DGKG: variants seen among roughly 807,000 people sequenced by gnomAD.
DGKG encodes diacylglycerol kinase gamma, also known as DAG kinase gamma.
DGKG carries 78 observed loss-of-function variants against 105.3 expected under a neutral mutation model. That is an observed-to-expected ratio of 0.74 (90% CI 0.62 to 0.89). The LOEUF (loss-of-function observed/expected upper bound fraction) is 0.89, where lower values mean the gene tolerates loss of function less well. Among genes scored for constraint, DGKG ranks in the 40% least tolerant of loss-of-function variants. The pLI is 0.00. For synonymous variants in DGKG, 346 were observed against 367.1 expected, an observed-to-expected ratio of 0.94 and a Z score of 0.66; for missense variants, 958 against 1,020.1, an observed-to-expected ratio of 0.94 and a Z score of 0.83.
At position 186,210,118 on chromosome 3, in the gene DGKG, G is replaced by A. The variant is rs905528827; in HGVS notation, c.1917+1677C>T. 3.3e-5 allele frequency among the ~76,000 whole-genome samples: 5 copies of A among 152,158 alleles called. No homozygotes were observed. Among genetic ancestry groups the A allele is most frequent in the Admixed American group, 6.5e-5 (1 of 15,280 alleles). On this transcript the variant is annotated intron_variant, in intron 21 of 24. Coordinates refer to ENST00000265022, the MANE Select transcript of DGKG (RefSeq NM_001346.3). The surrounding 1 kb of genome is among the most constrained non-coding windows in gnomAD (Gnocchi z 5.2). Reference sequence around the variant, plus strand: ...AGAGGGGACTGTGGGGCCTGGAGCCGGGAGGGCAGGCCAGAGGCAGGGGAG... The same window carrying A: ...AGAGGGGACTGTGGGGCCTGGAGCCAGGAGGGCAGGCCAGAGGCAGGGGAG...
At chr3:186,161,697 C>G in intron 23 of DGKG, 34 bp from the exon 24 acceptor site, 1 of 1,613,904 alleles carries the variant, frequency 6.2e-7, no homozygotes, top group Non-Finnish European at 8.5e-7. Flanking sequence ...ACACAGTGAG[C>G]TTTTTCAAGT....
At chr3:186,150,669 G>C (rs1715715766) in intron 24 of DGKG, among the ~76,000 whole-genome samples, 1 of 152,232 alleles carries the variant, frequency 6.6e-6, no homozygotes, top group African/African-American at 2.4e-5. Flanking sequence ...GCTTTGGTCT[G>C]ACCTCTGACC....
intron 4 of DGKG, among the ~76,000 whole-genome samples, chr3:186,297,792 C>T (rs1483627487): frequency 6.6e-6 from 1 of 152,208 alleles, no homozygotes; most frequent in Non-Finnish European, 1.5e-5. Context: ...TCTCTTCCCC[C>T]ACCATACATT....
At chr3:186,267,817 C>A in intron 12 of DGKG, 40 bp from the exon 13 acceptor site, 1 of 1,580,104 alleles carries the variant, frequency 6.3e-7, no homozygotes, top group Non-Finnish European at 8.7e-7. Flanking sequence ...TGAAAGTGAG[C>A]AAAGAAACAT....
In DGKG at chr3:186,147,436, G is replaced by C. The variant is rs144504985; in HGVS notation, c.*2654C>G. 88 of 984,702 alleles carry C rather than the reference G, an allele frequency of 8.9e-5. 1 individual carries two copies. The African/African-American group carries it at 1.2e-3, about 14-fold the overall frequency. The allele number at this position is 984,702 out of a possible 1,614,324, so 61.0% of individuals were successfully genotyped here. ...CAGAGGTTGCTATGAGGGTCACTAT[G>C]ATGAGGGACTCCACCACAAGAAACC... On this transcript the variant is annotated 3_prime_UTR_variant, in exon 25 of 25. Coordinates refer to ENST00000265022, the MANE Select transcript of DGKG (RefSeq NM_001346.3).
At chr3:186,280,925 C>G (rs764085009) in intron 7 of DGKG, among the ~76,000 whole-genome samples, 181 bp from the exon 8 acceptor site, 1 of 152,158 alleles carries the variant, frequency 6.6e-6, no homozygotes, top group Admixed American at 6.5e-5. Context: ...ACAAAGCTCA[C>G]GAGAAGCACA....
intron 19 of DGKG, among the ~76,000 whole-genome samples, chr3:186,248,091 G>A (rs954208968): frequency 6.6e-6 from 1 of 151,968 alleles, no homozygotes; most frequent in Non-Finnish European, 1.5e-5. Flanking sequence ...TGGCTCTTGG[G>A]TTTAGGGCCT....
intron 24 of DGKG, among the ~76,000 whole-genome samples, chr3:186,155,328 G>T (rs912060452): frequency 2.0e-4 from 31 of 152,080 alleles, no homozygotes; most frequent in Non-Finnish European, 4.0e-4. Flanking sequence ...GAATAGCTGG[G>T]ATTACAGGCA....
In DGKG at chr3:186,284,075, T is replaced by C. The variant is rs1722948804; in HGVS notation, c.594+585A>G. 1.3e-5 allele frequency among the ~76,000 whole-genome samples: 2 copies of C among 151,902 alleles called. No homozygotes were observed. Among genetic ancestry groups the C allele is most frequent in the African/African-American group, 2.4e-5 (1 of 41,420 alleles). Reference sequence around the variant, plus strand: ...CTGTTCCTGAAGGGGTGAGGGTGAGTCTCAGGCTTTCTCAGGTGCAATGGG... The same window carrying C: ...CTGTTCCTGAAGGGGTGAGGGTGAGCCTCAGGCTTTCTCAGGTGCAATGGG... On this transcript the variant is annotated intron_variant, in intron 7 of 24. Transcript: ENST00000265022. The surrounding 1 kb of genome is among the most constrained non-coding windows in gnomAD (Gnocchi z 4.0).
In DGKG at chr3:186,260,258, G is replaced by A. The variant is rs1414952227; in HGVS notation, c.1424+181C>T. On this transcript the variant is annotated intron_variant, in intron 16 of 24. Transcript: ENST00000265022. ...CTTCTCAAACAGAGTTAGCCTTCCTGGGCATCCTGAGTATCTCCAGGAGTC... is the reference window on the plus strand; with the variant it reads ...CTTCTCAAACAGAGTTAGCCTTCCTAGGCATCCTGAGTATCTCCAGGAGTC... Among the ~76,000 whole-genome samples the A allele has an allele frequency of 2.0e-5, 3 of 152,222 alleles. No individual in the cohort carries two copies. In the East Asian group the frequency reaches 5.8e-4, roughly 29 times the overall value.
intron 1 of DGKG, among the ~76,000 whole-genome samples, chr3:186,338,188 A>G (rs777995986): frequency 2.0e-5 from 3 of 150,998 alleles, no homozygotes; most frequent in Admixed American, 1.3e-4. Context: ...AAAAAAAAAA[A>G]GAAAGAAGGA....
chr3:186,251,410 GT>G (rs1462982778), intron 19 of DGKG, among the ~76,000 whole-genome samples: 5 of 152,200 alleles, frequency 3.3e-5, no homozygotes, highest in African/African-American at 1.2e-4. Flanking sequence ...TCATGTGAGA[GT>G]TTCCTACCAA....
chr3:186,275,648 C>T lies in DGKG; in HGVS notation c.809G>A (p.Gly270Glu). Residue 270 changes from glycine to glutamate, a missense_variant, in exon 10 of 25, where the codon GGG becomes GAG. This residue lies in a region of DGKG where 643 missense variants were observed against 619.5 expected (regional missense o/e 1.04). Coordinates refer to ENST00000265022, the MANE Select transcript of DGKG (RefSeq NM_001346.3). ...GMDDSGSKGD[G>E]RHAWTMKHFK... is the part of the protein sequence containing the mutation. ...GTGCTTCATGGTCCAGGCGTGCCGC[C>T]CATCCCCCTTGGAGCCCTGCAGGGG... is the stretch of plus-strand genomic sequence containing the variant. 6.2e-7 allele frequency: 1 copy of T among 1,613,844 alleles called. No homozygotes were observed. The highest frequency in any genetic ancestry group is 8.5e-7 in the Non-Finnish European group (1 of 1,179,970).
intron 9 of DGKG, among the ~76,000 whole-genome samples, chr3:186,278,271 A>AT (rs11384663): frequency 0.014 from 2,181 of 152,246 alleles, 54 homozygotes; most frequent in African/African-American, 0.049. Flanking sequence ...GAAAAAAAAA[A>AT]TGGTGTTTTG....
chr3:186,356,798 C>T (rs59657471), intron 1 of DGKG, among the ~76,000 whole-genome samples: 7,297 of 152,116 alleles, frequency 0.048, 605 homozygotes, highest in African/African-American at 0.17. Context: ...TAATAGGTTG[C>T]GAGATCTTAA....
chr3:186,185,565 G>A (rs1717586059), intron 22 of DGKG, among the ~76,000 whole-genome samples: 1 of 152,146 alleles, frequency 6.6e-6, no homozygotes, highest in East Asian at 1.9e-4. Context: ...CAGGGAGGGT[G>A]GTGGTGGGGA....
Position 186,288,792 on chromosome 3 carries a change from C to T in DGKG, c.462G>A (p.Ser154=), listed in dbSNP as rs758220917. 23 of 1,613,522 alleles carry T rather than the reference C, an allele frequency of 1.4e-5. No homozygotes were observed. The highest frequency in any genetic ancestry group is 3.3e-4 in the Middle Eastern group (2 of 6,060). The stretch of plus-strand genomic sequence containing the variant: ...CCTTCAGGTATACCACTGGGGATTC[C>T]GAGCTTGAAGACCGAGGGACGGGGG... The part of the protein sequence containing the change: ...LEPPVPRSSS[S]ESPVVYLKDV... The change falls in exon 6 of 25, where the codon TCG becomes TCA. Residue 154 remains serine, a synonymous_variant. Coordinates refer to ENST00000265022, the MANE Select transcript of DGKG (RefSeq NM_001346.3).
At chr3:186,293,593 C>T (rs1334188301) in intron 5 of DGKG, among the ~76,000 whole-genome samples, 3 of 152,180 alleles carry the variant, frequency 2.0e-5, no homozygotes, top group Admixed American at 1.3e-4. Context: ...CTCAGGCCTC[C>T]GAGCCGAAGT....
At chr3:186,285,541 A>G (rs1723021286) in intron 6 of DGKG, among the ~76,000 whole-genome samples, 1 of 152,220 alleles carries the variant, frequency 6.6e-6, no homozygotes, top group Non-Finnish European at 1.5e-5. Context: ...ACAAGGGACT[A>G]CATGTTTACT....
Sources: allele counts gnomAD v4.1 joint callset (sites outside exome capture counted in the v4.1 genomes callset), GRCh38; gene constraint gnomAD v4.1.1; regional missense constraint gnomAD v4.1.1; non-coding constraint Gnocchi (gnomAD v3.1); transcripts MANE v1.5; gene names NCBI Gene and HGNC (gene_info 2026-07-23, HGNC 2026-07-21).